The following RBM27 variants were observed in gnomAD, a reference collection of about 807,000 sequenced individuals.
RBM27 encodes the protein RNA-binding protein 27.
A neutral mutation model predicts 135.3 loss-of-function variants in RBM27; 22 were observed. The observed-to-expected ratio is 0.16, with a 90% CI of 0.12 to 0.23. RBM27 has a LOEUF of 0.23. Ranked by LOEUF, RBM27 falls within the 10% of genes least tolerant of loss-of-function variation. RBM27 has a pLI of 1.00. For missense variants in RBM27, 1,009 were observed against 1,281.0 expected (o/e 0.79, Z 3.24); for synonymous variants, 481 against 442.4 (o/e 1.09, Z -1.10).
At chr5:146,247,923 C>G (rs1757700662) in intron 8 of RBM27, among the ~76,000 whole-genome samples, 1 of 152,132 alleles carries the variant, frequency 6.6e-6, no homozygotes, top group Non-Finnish European at 1.5e-5. Flanking sequence ...ATGTGAAACT[C>G]TAAATCTATA....
At chr5:146,264,287 G>C (rs1053203420) in intron 14 of RBM27, among the ~76,000 whole-genome samples, 2 of 151,850 alleles carry the variant, frequency 1.3e-5, no homozygotes, top group Non-Finnish European at 1.5e-5. Context: ...GGGTTCAAGC[G>C]ATTCTGCTGC....
At chr5:146,239,233 C>T (rs1417385793) in intron 8 of RBM27, among the ~76,000 whole-genome samples, 1 of 152,074 alleles carries the variant, frequency 6.6e-6, no homozygotes, top group Non-Finnish European at 1.5e-5. Context: ...CTTCTGTGGC[C>T]TCTGCCCTCA....
At chr5:146,274,471 G>C (rs943145220) in intron 19 of RBM27, among the ~76,000 whole-genome samples, 4 of 152,120 alleles carry the variant, frequency 2.6e-5, no homozygotes, top group African/African-American at 4.8e-5. Flanking sequence ...TGTTGGCCAG[G>C]CTGGTCTCAA....
Position 146,261,618 on chromosome 5 carries a change from C to A in RBM27, c.2002C>A (p.Arg668=). The A allele has an allele frequency of 6.2e-7, 1 of 1,614,144 alleles. No individual in the cohort carries two copies. Among genetic ancestry groups the A allele is most frequent in the Middle Eastern group, 1.6e-4 (1 of 6,062 alleles). ...TEAVLNNRFI[R]VLWHRENNEQ... The stretch of plus-strand genomic sequence containing the variant: ...AGCAGTTCTAAACAACCGATTCATT[C>A]GAGTCTTGTGGCATAGGGAAAATAA... Residue 668 remains arginine (R), a synonymous_variant, in exon 13 of 21, where the codon CGA becomes AGA. Transcript: ENST00000265271.
intron 20 of RBM27, 25 bp downstream of exon 20, chr5:146,284,757 A>G (rs1759514873): frequency 7.6e-7 from 1 of 1,321,280 alleles, no homozygotes; most frequent in Non-Finnish European, 1.1e-6. Flanking sequence ...TGGAAATAAG[A>G]GTTGAATTAG....
chr5:146,270,920 A>C (rs748985155), intron 17 of RBM27, 34 bp from the exon 18 acceptor site: 1 of 1,426,270 alleles, frequency 7.0e-7, no homozygotes, highest in South Asian at 1.2e-5. Flanking sequence ...TAAGTTATCT[A>C]AAAAATACCT....
chr5:146,246,320 C>T (rs1047016965), intron 8 of RBM27, among the ~76,000 whole-genome samples: 1 of 152,034 alleles, frequency 6.6e-6, no homozygotes, highest in Non-Finnish European at 1.5e-5. Context: ...TAAAGACTGT[C>T]TTTATTCTGA....
intron 3 of RBM27, 21 bp downstream of exon 3, chr5:146,223,548 T>G: frequency 6.3e-7 from 1 of 1,592,290 alleles, no homozygotes; most frequent in Non-Finnish European, 8.5e-7. Flanking sequence ...TTTTTTCTCC[T>G]GCTTTTGGGG....
chr5:146,259,299 TGAGGTCAGGAGTTC>T (rs1332796323), intron 11 of RBM27, among the ~76,000 whole-genome samples: 2 of 148,926 alleles, frequency 1.3e-5, no homozygotes, highest in Admixed American at 1.3e-4. Flanking sequence ...GTGGATCACT[TGAGGTCAGGAGTTC>T]GAGACCAGCC....
At position 146,261,712 on chromosome 5, in the gene RBM27, C is replaced by T; in HGVS notation, c.2096C>T (p.Ser699Leu). The change falls in exon 13 of 21, where the codon TCA becomes TTA. Residue 699 changes from serine to leucine, a missense_variant. Transcript: ENST00000265271. Reference sequence around the variant, plus strand: ...CAACAGCAAACACTTAGTCACCTCTCACAGCAGCACCATCACCTGCCACAG... The same window carrying T: ...CAACAGCAAACACTTAGTCACCTCTTACAGCAGCACCATCACCTGCCACAG... The part of the protein sequence containing the change: ...LQQQQTLSHL[S>L]QQHHHLPQHL... 2 of 1,614,198 alleles carry T rather than the reference C, an allele frequency of 1.2e-6. No individual in the cohort carries two copies. The highest frequency in any genetic ancestry group is 1.6e-4 in the Middle Eastern group (1 of 6,062).
chr5:146,266,262 C>G (rs1224609868), intron 14 of RBM27, among the ~76,000 whole-genome samples: 2 of 152,178 alleles, frequency 1.3e-5, no homozygotes. Flanking sequence ...ACCACAGAAT[C>G]CTATGGGGGA....
intron 17 of RBM27, among the ~76,000 whole-genome samples, chr5:146,269,896 T>A (rs1400688055): frequency 6.6e-6 from 1 of 152,114 alleles, no homozygotes; most frequent in Non-Finnish European, 1.5e-5. Flanking sequence ...TGTTTTAGTG[T>A]TTCTGTAGAT....
At chr5:146,253,632 T>G (rs1757991174) in intron 9 of RBM27, among the ~76,000 whole-genome samples, 1 of 152,150 alleles carries the variant, frequency 6.6e-6, no homozygotes, top group South Asian at 2.1e-4. Context: ...ATATTAGATA[T>G]CTCAGAATCA....
intron 8 of RBM27, 35 bp downstream of exon 8, chr5:146,237,467 G>T (rs1270227172): frequency 8.1e-6 from 13 of 1,605,302 alleles, no homozygotes; most frequent in South Asian, 3.3e-5. Context: ...AATTGACAGG[G>T]TATAGAAAAG....
At position 146,251,844 on chromosome 5, in the gene RBM27, C is replaced by T; in HGVS notation, c.1413C>T (p.Thr471=). The T allele has an allele frequency of 6.2e-7, 1 of 1,614,174 alleles. No homozygotes were observed. Among genetic ancestry groups the T allele is most frequent in the Non-Finnish European group, 8.5e-7 (1 of 1,180,030 alleles). The change falls in exon 9 of 21, where the codon ACC becomes ACT. Residue 471 remains threonine, a synonymous_variant. Transcript: ENST00000265271. ...TGGGATCCTCCATTGGATACCATAC[C>T]TCAGTCTCCAGCCCTACCCCTCTGG... is the stretch of plus-strand genomic sequence containing the variant. ...NLMGSSIGYH[T]SVSSPTPLVP...
At chr5:146,255,445 T>A (rs1472652659) in intron 10 of RBM27, among the ~76,000 whole-genome samples, 2 of 152,194 alleles carry the variant, frequency 1.3e-5, no homozygotes, top group African/African-American at 4.8e-5. Context: ...AAAGAACTGA[T>A]CATTGAAGGA....
rs1172762696 is a variant in RBM27, at chr5:146,206,124, A to C, written c.59+2300A>C. On this transcript the variant is annotated intron_variant, in intron 1 of 20. Transcript: ENST00000265271. Reference sequence around the variant, plus strand: ...TCTGCTGCTCTGATGCCTTTAGAAAAAACAACCTACTTTCCAGACAAGTTT... The same window carrying C: ...TCTGCTGCTCTGATGCCTTTAGAAACAACAACCTACTTTCCAGACAAGTTT... Among the ~76,000 whole-genome samples the C allele has an allele frequency of 2.0e-5, 3 of 152,334 alleles. No homozygotes were observed. In the East Asian group the frequency reaches 5.8e-4, roughly 29 times the overall value.
intron 2 of RBM27, among the ~76,000 whole-genome samples, chr5:146,220,488 A>AT (rs1756405679): frequency 5.1e-4 from 68 of 133,404 alleles, no homozygotes; most frequent in Non-Finnish European, 6.2e-4. Context: ...AAAAAAAAAA[A>AT]AATATATATA....
At chr5:146,210,229 T>C (rs1170291396) in intron 1 of RBM27, among the ~76,000 whole-genome samples, 1 of 152,224 alleles carries the variant, frequency 6.6e-6, no homozygotes, top group African/African-American at 2.4e-5. Context: ...TTCTCATATG[T>C]ATATACAGGT....
Sources: allele counts gnomAD v4.1 joint callset (sites outside exome capture counted in the v4.1 genomes callset), GRCh38; gene constraint gnomAD v4.1.1; transcripts MANE v1.5; gene names NCBI Gene and HGNC (gene_info 2026-07-23, HGNC 2026-07-21).